DAB1: variants seen among roughly 807,000 people sequenced by gnomAD.
DAB1 encodes the protein DAB adaptor protein 1.
A neutral mutation model predicts 64.6 loss-of-function variants in DAB1; 15 were observed. That is an observed-to-expected ratio of 0.23 (90% CI 0.16 to 0.36). DAB1 has a LOEUF of 0.36. DAB1 is among the 10% of genes least tolerant of loss of function. DAB1 has a pLI of 1.00. For synonymous variants in DAB1, 235 were observed against 251.9 expected (o/e 0.93, Z 0.64); for missense variants, 596 against 706.7 (o/e 0.84, Z 1.78).
intron 1 of DAB1, chr1:57,387,142 C>A (rs891550450): frequency 2.0e-5 from 3 of 152,258 alleles, no homozygotes; most frequent in South Asian, 2.1e-4. Flanking sequence ...AGGTGAGAGA[C>A]CTCAAGCAAG....
chr1:57,171,145 C>T (rs1401820855), intron 2 of DAB1, among the ~76,000 whole-genome samples: 2 of 152,184 alleles, frequency 1.3e-5, no homozygotes, highest in South Asian at 4.1e-4. Context: ...AGTAGCAATA[C>T]TGGTGCTATT....
intron 2 of DAB1, among the ~76,000 whole-genome samples, chr1:57,263,520 GTAGCTGATAA>G (rs1670359386): frequency 6.6e-6 from 1 of 152,190 alleles, no homozygotes; most frequent in South Asian, 2.1e-4. Flanking sequence ...CTTATTAACA[GTAGCTGATAA>G]TAGCCCCAAT....
At chr1:58,348,348 C>T (rs1382442751) in intron 3 of DAB1, among the ~76,000 whole-genome samples, 3 of 151,966 alleles carry the variant, frequency 2.0e-5, no homozygotes, top group East Asian at 1.9e-4. Context: ...TCCAACAAAC[C>T]GCAAGCCAGT....
intron 5 of DAB1, among the ~76,000 whole-genome samples, chr1:58,066,081 T>A (rs1648838705): frequency 6.6e-6 from 1 of 152,174 alleles, no homozygotes. Context: ...GGTAGAGGAA[T>A]CTCTGAGGCA....
chr1:57,691,336 T>A (rs773878015), intron 6 of DAB1, among the ~76,000 whole-genome samples: 2 of 152,160 alleles, frequency 1.3e-5, no homozygotes, highest in African/African-American at 2.4e-5. Flanking sequence ...GCTAAAGGAC[T>A]GTAAACACAC....
chr1:58,136,249 G>A (rs1183863855), intron 5 of DAB1, among the ~76,000 whole-genome samples: 7 of 152,158 alleles, frequency 4.6e-5, no homozygotes, highest in African/African-American at 1.4e-4. Context: ...TGCTGGTAGT[G>A]GAGGGGCCTT....
chr1:58,400,535 C>T (rs1467661770), intron 3 of DAB1, among the ~76,000 whole-genome samples: 1 of 152,124 alleles, frequency 6.6e-6, no homozygotes, highest in Non-Finnish European at 1.5e-5. Context: ...TTTAGAGAAA[C>T]AGACAGGCAG....
At chr1:58,479,598 T>C (rs1645453016) in intron 3 of DAB1, among the ~76,000 whole-genome samples, 1 of 152,220 alleles carries the variant, frequency 6.6e-6, no homozygotes, top group Non-Finnish European at 1.5e-5. Context: ...GAAGAACCTA[T>C]AAAATCAACC....
rs1369872894 is a variant in DAB1, at chr1:57,904,333, T to C, written n.388-20171A>G. On this transcript the variant is annotated intron_variant and non_coding_transcript_variant, in intron 5 of 20. Coordinates refer to the DAB1 transcript ENST00000485760. ...GAGTGTCTGGAAAATTCCTATTTATTCTTCAAAATCTTGCTCGAGGGTCTT... is the reference window on the plus strand; with the variant it reads ...GAGTGTCTGGAAAATTCCTATTTATCCTTCAAAATCTTGCTCGAGGGTCTT... Among the ~76,000 whole-genome samples the C allele has an allele frequency of 4.6e-5, 7 of 152,192 alleles. No homozygotes were observed. The East Asian group carries it at 1.2e-3, about 25-fold the overall frequency.
intron 2 of DAB1, among the ~76,000 whole-genome samples, chr1:57,190,620 C>T (rs1390935358): frequency 6.6e-6 from 1 of 152,142 alleles, no homozygotes; most frequent in Non-Finnish European, 1.5e-5. Flanking sequence ...TCCCACCTTT[C>T]CCCAGTATGC....
intron 4 of DAB1, among the ~76,000 whole-genome samples, chr1:58,287,537 G>A (rs1365295018): frequency 6.6e-6 from 1 of 151,722 alleles, no homozygotes; most frequent in Admixed American, 6.6e-5. Context: ...TGCTGCTCAG[G>A]AAGGGTCATC....
chr1:57,673,006 T>C (rs986161561), intron 6 of DAB1, among the ~76,000 whole-genome samples: 1 of 152,200 alleles, frequency 6.6e-6, no homozygotes. Flanking sequence ...TGTGTCATAG[T>C]TAATTTGGGC....
chr1:57,191,204 G>C (rs1030604115), intron 2 of DAB1, among the ~76,000 whole-genome samples: 2 of 152,144 alleles, frequency 1.3e-5, no homozygotes, highest in Non-Finnish European at 2.9e-5. Flanking sequence ...ACTTCATCCT[G>C]GCTTCTCTAC....
intron 2 of DAB1, among the ~76,000 whole-genome samples, chr1:57,157,924 C>T (rs188700784): frequency 1.4e-4 from 21 of 152,234 alleles, no homozygotes; most frequent in Admixed American, 2.0e-4. Context: ...AAGGAGGAAA[C>T]GGAGGCACAG....
chr1:58,092,132 C>G (rs1469186488), intron 5 of DAB1, among the ~76,000 whole-genome samples: 1 of 151,848 alleles, frequency 6.6e-6, no homozygotes, highest in Non-Finnish European at 1.5e-5. Context: ...GTCAGGAGTT[C>G]AAGACCAGCT....
intron 6 of DAB1, among the ~76,000 whole-genome samples, chr1:57,780,433 A>T (rs1650008538): frequency 6.6e-6 from 1 of 152,126 alleles, no homozygotes; most frequent in Non-Finnish European, 1.5e-5. Context: ...TTGTCTTGGG[A>T]ATTCTTCATG....
rs1013722178 is a variant in DAB1 at position 57,781,714 on chromosome 1, A to G, written n.551+102285T>C. On this transcript the variant is annotated intron_variant and non_coding_transcript_variant, in intron 6 of 20. Transcript: ENST00000485760. ...TTTGCATCTGGTTAAAGCAATTGAGAAAAAAAAAAAAAAAAAGCAAAACTG... is the reference window on the plus strand; with the variant it reads ...TTTGCATCTGGTTAAAGCAATTGAGGAAAAAAAAAAAAAAAAGCAAAACTG... Among the ~76,000 whole-genome samples, 6 of 7,788 alleles carry G rather than the reference A, an allele frequency of 7.7e-4. No homozygotes were observed. The East Asian group carries it at 9.8e-3, about 13-fold the overall frequency. The allele number at this position is 7,788 out of a possible 152,430, so 5.1% of individuals were successfully genotyped here. A position where few individuals can be genotyped will look rare whatever the true frequency, so the allele number is the denominator to read the frequency against.
intron 7 of DAB1, among the ~76,000 whole-genome samples, chr1:57,600,199 C>G (rs1453910620): frequency 6.6e-6 from 1 of 152,204 alleles, no homozygotes; most frequent in Non-Finnish European, 1.5e-5. Context: ...GATGCAAGCT[C>G]AGTGCAGACA....
Position 57,423,704 on chromosome 1 carries a change from G to A in DAB1, c.-137+226C>T, listed in dbSNP as rs372947637. On this transcript the variant is annotated intron_variant, in intron 1 of 14. Transcript: ENST00000371236. ...GGGGATGGGGGGCAGGACAGAGAAA[G>A]AGAAGTCGCCCTTTTCCTCCCAGCA... is the stretch of plus-strand genomic sequence containing the variant. 4.0e-4 allele frequency among the ~76,000 whole-genome samples: 61 copies of A among 152,206 alleles called. No homozygotes were observed. In the East Asian group the frequency reaches 0.012, roughly 30 times the overall value.
Sources: allele counts gnomAD v4.1 joint callset (sites outside exome capture counted in the v4.1 genomes callset), GRCh38; gene constraint gnomAD v4.1.1; transcripts MANE v1.5; gene names NCBI Gene and HGNC (gene_info 2026-07-23, HGNC 2026-07-21).